Variants in GAREM1 observed in about 807,000 individuals in gnomAD.
GAREM1 encodes the protein GRB2-associated and regulator of MAPK protein 1.
Under a neutral mutation model 71.3 loss-of-function variants are expected in GAREM1, and 26 were observed. The observed-to-expected ratio is 0.36, with a 90% CI of 0.27 to 0.51. The LOEUF is 0.51. Among genes scored for constraint, GAREM1 ranks in the 20% least tolerant of loss-of-function variants. The pLI is 0.95. For missense variants in GAREM1, 1,026 were observed against 1,103.1 expected (o/e 0.93, Z 0.99); for synonymous variants, 440 against 433.2 (o/e 1.02, Z -0.20).
chr18:32,349,261 T>C (rs1211102709), intron 2 of GAREM1, among the ~76,000 whole-genome samples: 1 of 152,236 alleles, frequency 6.6e-6, no homozygotes, highest in Non-Finnish European at 1.5e-5. Context: ...CCCTCTGAAC[T>C]TCTGTATAAA....
chr18:32,412,231 T>A, intron 1 of GAREM1: 1 of 1,573,300 alleles, frequency 6.4e-7, no homozygotes, highest in Non-Finnish European at 8.6e-7. Flanking sequence ...CTTCTGCCAC[T>A]GACACAGCTA....
At chr18:32,426,375 G>C (rs2048575745) in intron 1 of GAREM1, among the ~76,000 whole-genome samples, 1 of 152,146 alleles carries the variant, frequency 6.6e-6, no homozygotes. Flanking sequence ...TAATGGCCTG[G>C]CCAACAGGCA....
chr18:32,433,521 C>G (rs1310649205), intron 1 of GAREM1, among the ~76,000 whole-genome samples: 10 of 150,950 alleles, frequency 6.6e-5, no homozygotes, highest in African/African-American at 2.4e-4. Flanking sequence ...ATAAAATTGT[C>G]CCCATTTTCA....
chr18:32,329,606 T>C (rs1266365463), intron 2 of GAREM1, among the ~76,000 whole-genome samples: 2 of 147,396 alleles, frequency 1.4e-5, no homozygotes, highest in African/African-American at 5.1e-5. Flanking sequence ...CTCGGGAGGC[T>C]GAGGCAGAAG....
chr18:32,452,182 A>G (rs952263149), intron 1 of GAREM1, among the ~76,000 whole-genome samples: 1 of 152,148 alleles, frequency 6.6e-6, no homozygotes, highest in African/African-American at 2.4e-5. Context: ...ATATTATTAT[A>G]ACATACATGA....
intron 1 of GAREM1, among the ~76,000 whole-genome samples, chr18:32,407,500 C>T (rs2048376139): frequency 1.3e-5 from 2 of 152,164 alleles, no homozygotes; most frequent in Non-Finnish European, 2.9e-5. Context: ...AAATTCATGT[C>T]ATCTCTGAAA....
intron 1 of GAREM1, among the ~76,000 whole-genome samples, chr18:32,450,370 CA>C: frequency 6.6e-6 from 1 of 152,248 alleles, no homozygotes; most frequent in South Asian, 2.1e-4. Flanking sequence ...GTGATTAATT[CA>C]ACCCTTATGC....
intron 3 of GAREM1, among the ~76,000 whole-genome samples, chr18:32,309,839 TA>T (rs1434300782): frequency 6.6e-6 from 1 of 152,134 alleles, no homozygotes; most frequent in Non-Finnish European, 1.5e-5. Context: ...TGTTTGGTAT[TA>T]TTTAGTTTCA....
At chr18:32,309,584 C>T (rs989578898) in intron 3 of GAREM1, among the ~76,000 whole-genome samples, 1 of 136,106 alleles carries the variant, frequency 7.3e-6, no homozygotes, top group African/African-American at 2.8e-5. Flanking sequence ...CCACTGTACT[C>T]CAGCCTGGGT....
intron 4 of GAREM1, among the ~76,000 whole-genome samples, chr18:32,274,261 T>A (rs2041507512): frequency 6.6e-6 from 1 of 152,196 alleles, no homozygotes; most frequent in Non-Finnish European, 1.5e-5. Context: ...TATCTCTTAC[T>A]CTTAGAACAG....
intron 2 of GAREM1, among the ~76,000 whole-genome samples, chr18:32,363,939 T>C (rs1598991002): frequency 1.5e-5 from 2 of 130,772 alleles, no homozygotes; most frequent in South Asian, 2.6e-4. Flanking sequence ...TATATACACA[T>C]ACAAATGTAT....
At chr18:32,280,524 C>T (rs2041598862) in intron 4 of GAREM1, among the ~76,000 whole-genome samples, 2 of 152,136 alleles carry the variant, frequency 1.3e-5, no homozygotes, top group African/African-American at 4.8e-5. Context: ...TTTTCACAGG[C>T]ACTCTAGTTC....
chr18:32,442,462 C>T (rs967775812), intron 1 of GAREM1, among the ~76,000 whole-genome samples: 17 of 151,812 alleles, frequency 1.1e-4, no homozygotes, highest in Non-Finnish European at 5.9e-5. Context: ...TTAAAACATG[C>T]TATTTATAAA....
rs2144465593 is a variant in GAREM1 at position 32,287,307 on chromosome 18, C to CCCACTATCT, written c.1281_1289dup (p.Asp428_Gly430dup). ...TAGCTTCTGGGAAAAGGTAGTCGCTCCCACTATCTCCAGAGTCCTGATAGG... is the reference window on the plus strand; with the variant it reads ...TAGCTTCTGGGAAAAGGTAGTCGCTCCCACTATCTCCACTATCTCCAGAGTCCTGATAGG... On this transcript the variant is annotated inframe_insertion, in exon 4 of 6. Transcript: ENST00000269209. The surrounding 1 kb of genome is among the most constrained non-coding windows in gnomAD (Gnocchi z 5.9). The CCCACTATCT allele has an allele frequency of 6.2e-7, 1 of 1,614,208 alleles. No individual in the cohort carries two copies. The highest frequency in any genetic ancestry group is 8.5e-7 in the Non-Finnish European group (1 of 1,180,050).
chr18:32,350,258 A>G (rs2047735137), intron 2 of GAREM1, among the ~76,000 whole-genome samples: 1 of 152,204 alleles, frequency 6.6e-6, no homozygotes, highest in African/African-American at 2.4e-5. Context: ...TTAAAAGTCT[A>G]TTTATGAAAG....
At chr18:32,458,357 T>C (rs931826160) in intron 1 of GAREM1, among the ~76,000 whole-genome samples, 2 of 152,078 alleles carry the variant, frequency 1.3e-5, no homozygotes, top group East Asian at 3.9e-4. Flanking sequence ...AAGATTTTCA[T>C]GAGACTATTT....
intron 1 of GAREM1, among the ~76,000 whole-genome samples, chr18:32,403,701 A>G (rs1272536904): frequency 6.6e-6 from 1 of 152,080 alleles, no homozygotes; most frequent in African/African-American, 2.4e-5. Context: ...TCAGCCTCCC[A>G]AAGTGCTGGG....
chr18:32,270,473 T>C (rs1000583127), intron 4 of GAREM1, 90 bp from the exon 5 acceptor site: 5 of 1,104,800 alleles, frequency 4.5e-6, no homozygotes, highest in Admixed American at 5.4e-5. Context: ...CAAGTCACAC[T>C]CTTAAACCGT....
intron 4 of GAREM1, among the ~76,000 whole-genome samples, chr18:32,285,727 AAC>A (rs2047007994): frequency 6.6e-6 from 1 of 152,198 alleles, no homozygotes; most frequent in African/African-American, 2.4e-5. Flanking sequence ...AACTTGTATT[AAC>A]AGTCATTGCT....
Sources: allele counts gnomAD v4.1 joint callset (sites outside exome capture counted in the v4.1 genomes callset), GRCh38; gene constraint gnomAD v4.1.1; non-coding constraint Gnocchi (gnomAD v3.1); transcripts MANE v1.5; gene names NCBI Gene and HGNC (gene_info 2026-07-23, HGNC 2026-07-21).